The following DPP10 variants were observed in gnomAD, a reference collection of about 807,000 sequenced individuals.
DPP10 encodes the protein dipeptidyl peptidase like 10.
A neutral mutation model predicts 120.9 loss-of-function variants in DPP10; 33 were observed. The observed-to-expected ratio is 0.27, with a 90% CI of 0.21 to 0.37. The LOEUF (loss-of-function observed/expected upper bound fraction) is 0.37, where lower values mean the gene tolerates loss of function less well. Ranked by LOEUF, DPP10 falls within the 10% of genes least tolerant of loss-of-function variation. The pLI is 1.00. For missense variants in DPP10, 816 were observed against 942.8 expected (o/e 0.87, Z 1.76); for synonymous variants, 337 against 326.1 (o/e 1.03, Z -0.36).
chr2:115,400,478 TAA>T (rs35721835), intron 3 of DPP10, among the ~76,000 whole-genome samples: 1 of 147,142 alleles, frequency 6.8e-6, no homozygotes. Flanking sequence ...TACCCATAAG[TAA>T]AAAAAAAAAA....
chr2:115,723,041 T>C (rs1032717904), intron 7 of DPP10, among the ~76,000 whole-genome samples: 1 of 152,196 alleles, frequency 6.6e-6, no homozygotes, highest in African/African-American at 2.4e-5. Context: ...AGGCTTCCGG[T>C]TTCTGACTGG....
At chr2:114,561,379 A>T (rs1429465823) in intron 1 of DPP10, among the ~76,000 whole-genome samples, 1 of 152,160 alleles carries the variant, frequency 6.6e-6, no homozygotes, top group African/African-American at 2.4e-5. Flanking sequence ...TAGAGCACAC[A>T]TGCACACACC....
intron 1 of DPP10, among the ~76,000 whole-genome samples, chr2:115,157,844 T>G (rs1316419309): frequency 6.6e-6 from 1 of 152,200 alleles, no homozygotes; most frequent in Non-Finnish European, 1.5e-5. Context: ...TTATAGACAC[T>G]CAACAGAGGA....
At chr2:114,537,995 G>A (rs1028017923) in intron 1 of DPP10, among the ~76,000 whole-genome samples, 1 of 152,174 alleles carries the variant, frequency 6.6e-6, no homozygotes, top group African/African-American at 2.4e-5. Flanking sequence ...GGCCAACTGG[G>A]AAATCCCTTA....
At chr2:115,740,855 A>T (rs1219794698) in intron 9 of DPP10, among the ~76,000 whole-genome samples, 1 of 152,156 alleles carries the variant, frequency 6.6e-6, no homozygotes, top group Non-Finnish European at 1.5e-5. Context: ...GGAAACGTGT[A>T]AAATTTCTCT....
intron 1 of DPP10, among the ~76,000 whole-genome samples, chr2:115,113,319 C>T (rs984336191): frequency 1.3e-5 from 2 of 151,416 alleles, no homozygotes; most frequent in Non-Finnish European, 2.9e-5. Flanking sequence ...TCTATATGTG[C>T]TTTTTAAAGT....
At chr2:115,543,195 A>C (rs1040527066) in intron 5 of DPP10, among the ~76,000 whole-genome samples, 5 of 152,026 alleles carry the variant, frequency 3.3e-5, no homozygotes, top group Non-Finnish European at 7.4e-5. Flanking sequence ...CCAGCAGAGA[A>C]TATCACAGCA....
intron 1 of DPP10, among the ~76,000 whole-genome samples, chr2:114,514,541 A>C (rs1003737499): frequency 3.3e-5 from 5 of 152,164 alleles, no homozygotes; most frequent in African/African-American, 9.7e-5. Context: ...AGACCAGAGA[A>C]GCTTAAGGCA....
chr2:115,448,314 G>T (rs2072802868), intron 3 of DPP10, among the ~76,000 whole-genome samples: 1 of 152,098 alleles, frequency 6.6e-6, no homozygotes, highest in Non-Finnish European at 1.5e-5. Flanking sequence ...TCAATAAGAA[G>T]ATAATCAATT....
In DPP10 at chr2:114,812,425, A is replaced by C. The variant is rs1361666367; in HGVS notation, c.60+369587A>C. 3.3e-5 allele frequency among the ~76,000 whole-genome samples: 5 copies of C among 151,988 alleles called. No individual in the cohort carries two copies. In the East Asian group the frequency reaches 9.7e-4, roughly 29 times the overall value. ...ACATGGCAAGACCTCATCTCTACAAAAAATTTTTAAAAACTAGCTGGGCAT... is the reference window on the plus strand; with the variant it reads ...ACATGGCAAGACCTCATCTCTACAACAAATTTTTAAAAACTAGCTGGGCAT... On this transcript the variant is annotated intron_variant, in intron 1 of 25. Transcript: ENST00000410059.
At chr2:114,862,497 G>A (rs1689890417) in intron 1 of DPP10, among the ~76,000 whole-genome samples, 1 of 152,096 alleles carries the variant, frequency 6.6e-6, no homozygotes, top group South Asian at 2.1e-4. Context: ...CAGATGGACT[G>A]TGATTTTCTC....
chr2:115,664,352 A>G (rs562119134), intron 5 of DPP10, among the ~76,000 whole-genome samples: 1 of 152,126 alleles, frequency 6.6e-6, no homozygotes, highest in South Asian at 2.1e-4. Context: ...TTTTTGGTTC[A>G]TCAGCAGGGA....
At chr2:115,113,952 G>T (rs1234397628) in intron 1 of DPP10, among the ~76,000 whole-genome samples, 1 of 152,120 alleles carries the variant, frequency 6.6e-6, no homozygotes, top group African/African-American at 2.4e-5. Flanking sequence ...TGGGGGAAAA[G>T]CACTCAGCTT....
intron 1 of DPP10, among the ~76,000 whole-genome samples, chr2:115,212,649 AAC>A (rs2056591899): frequency 6.6e-6 from 1 of 152,200 alleles, no homozygotes; most frequent in Non-Finnish European, 1.5e-5. Flanking sequence ...ACCTACTTGA[AAC>A]ACATACAAAT....
At chr2:114,963,546 A>G (rs184007359) in intron 1 of DPP10, among the ~76,000 whole-genome samples, 1 of 152,364 alleles carries the variant, frequency 6.6e-6, no homozygotes, top group African/African-American at 2.4e-5. Flanking sequence ...ACATCATGTT[A>G]TAGATTCCCT....
intron 1 of DPP10, among the ~76,000 whole-genome samples, chr2:114,471,245 G>T (rs1382584820): frequency 6.6e-6 from 1 of 152,128 alleles, no homozygotes; most frequent in Non-Finnish European, 1.5e-5. Context: ...CCTCCTGGTT[G>T]GTGAGCAAAT....
chr2:115,242,670 C>A (rs1322769527), intron 1 of DPP10, among the ~76,000 whole-genome samples: 1 of 138,014 alleles, frequency 7.2e-6, no homozygotes, highest in African/African-American at 2.9e-5. Context: ...ATGCCAACAT[C>A]TATTTTTTTT....
Position 114,581,338 on chromosome 2 carries a change from C to T in DPP10, c.60+138500C>T, listed in dbSNP as rs568549634. Among the ~76,000 whole-genome samples, 71 of 151,888 alleles carry T rather than the reference C, an allele frequency of 4.7e-4. No individual in the cohort carries two copies. The East Asian group carries it at 8.0e-3, about 17-fold the overall frequency. ...AGCTGGGACTACAGGTGCCCACCAC[C>T]ACGCCTGGCTAACTTTTTGTATTTT... is the stretch of plus-strand genomic sequence containing the variant. On this transcript the variant is annotated intron_variant, in intron 1 of 25. Coordinates refer to ENST00000410059, the MANE Select transcript of DPP10 (RefSeq NM_020868.6).
intron 5 of DPP10, among the ~76,000 whole-genome samples, chr2:115,626,954 A>C (rs532995636): frequency 6.6e-6 from 1 of 152,278 alleles, no homozygotes; most frequent in South Asian, 2.1e-4. Context: ...TCAGGTCTGC[A>C]ACAAGAAAGA....
Sources: allele counts gnomAD v4.1 joint callset (sites outside exome capture counted in the v4.1 genomes callset), GRCh38; gene constraint gnomAD v4.1.1; transcripts MANE v1.5; gene names NCBI Gene and HGNC (gene_info 2026-07-23, HGNC 2026-07-21).